The following SAR1A variants were observed in gnomAD, a reference collection of about 807,000 sequenced individuals.
The protein encoded by SAR1A is small COPII coat GTPase SAR1A.
SAR1A carries 6 observed loss-of-function variants against 22.6 expected under a neutral mutation model. The ratio of observed to expected loss-of-function variants is 0.27; its 90% CI spans 0.15 to 0.52. The LOEUF (loss-of-function observed/expected upper bound fraction) is 0.52. SAR1A is among the 20% of genes least tolerant of loss of function. SAR1A has a pLI of 0.96. For missense variants in SAR1A, 145 were observed against 245.1 expected, an observed-to-expected ratio of 0.59 and a Z score of 2.73; for synonymous variants, 70 against 82.2, an observed-to-expected ratio of 0.85 and a Z score of 0.80.
At chr10:70,159,502 T>G (rs1044005310) in intron 4 of SAR1A, among the ~76,000 whole-genome samples, 1 of 152,136 alleles carries the variant, frequency 6.6e-6, no homozygotes, top group African/African-American at 2.4e-5. Flanking sequence ...AAGACCAGCC[T>G]GGGCAACATG....
chr10:70,165,264 CAAAA>C (rs34191043), intron 1 of SAR1A, among the ~76,000 whole-genome samples: 6 of 92,904 alleles, frequency 6.5e-5, no homozygotes, highest in Admixed American at 1.2e-4. Context: ...GACTCCGTCT[CAAAA>C]AAAAAAAAAA....
chr10:70,155,093 G>A (rs1839370261), intron 5 of SAR1A: 1 of 528,074 alleles, frequency 1.9e-6, no homozygotes, highest in Non-Finnish European at 3.9e-6. Context: ...CTCACATTAG[G>A]GGCCAGTGTG....
At chr10:70,167,461 G>A (rs1057472651) in intron 1 of SAR1A, 1 of 152,288 alleles carries the variant, frequency 6.6e-6, no homozygotes. Context: ...TGAACAGCTG[G>A]GCGCGGCAGC....
chr10:70,157,601 G>A, intron 5 of SAR1A, 163 bp downstream of exon 5: 3 of 568,342 alleles, frequency 5.3e-6, no homozygotes, highest in Non-Finnish European at 9.3e-6. Flanking sequence ...GAAAAGCAAT[G>A]TCTTAGATTT....
intron 1 of SAR1A, among the ~76,000 whole-genome samples, chr10:70,167,693 G>A (rs1839571387): frequency 6.6e-6 from 1 of 151,846 alleles, no homozygotes; most frequent in Non-Finnish European, 1.5e-5. Flanking sequence ...GGCCTAATCT[G>A]TAAATTTTAG....
intron 1 of SAR1A, among the ~76,000 whole-genome samples, chr10:70,164,453 C>T (rs1839519378): frequency 6.6e-6 from 1 of 152,160 alleles, no homozygotes; most frequent in Non-Finnish European, 1.5e-5. Flanking sequence ...TAGGAACTGT[C>T]AGCATGGTGT....
chr10:70,161,477 T>C (rs888662438), intron 3 of SAR1A, 142 bp downstream of exon 3: 27 of 862,842 alleles, frequency 3.1e-5, no homozygotes, highest in Non-Finnish European at 4.4e-5. Context: ...ATAACCTGAG[T>C]GTGTCTTACA....
intron 3 of SAR1A, 94 bp from the exon 4 acceptor site, chr10:70,161,163 A>C (rs1839463203): frequency 2.2e-6 from 2 of 922,678 alleles, no homozygotes; most frequent in East Asian, 5.1e-5. Flanking sequence ...TTCATCTTGT[A>C]AAGAAAAAGA....
At chr10:70,158,757 C>CAAATAA (rs1554827243) in intron 4 of SAR1A, among the ~76,000 whole-genome samples, 3 of 125,810 alleles carry the variant, frequency 2.4e-5, no homozygotes, top group African/African-American at 8.8e-5. Flanking sequence ...TTAAGTTATA[C>CAAATAA]AAAAAAAAAA....
rs1264873363 is a variant in SAR1A at position 70,148,913 on chromosome 10, G to A, written c.*3563C>T. 1 of 152,290 alleles carries A rather than the reference G, an allele frequency of 6.6e-6. No individual in the cohort carries two copies. The highest frequency in any genetic ancestry group is 1.5e-5 in the Non-Finnish European group (1 of 68,120). 9.4% of individuals were successfully genotyped at this position (152,290 alleles called of 1,614,324 possible). Reference sequence around the variant, plus strand: ...TTTTCTGTGTTTACAGCAGACCATGGTAAAAAGAAGTCCCAAGTCACAGCC... The same window carrying A: ...TTTTCTGTGTTTACAGCAGACCATGATAAAAAGAAGTCCCAAGTCACAGCC... On this transcript the variant is annotated 3_prime_UTR_variant, in exon 7 of 7. Coordinates refer to ENST00000373241, the MANE Select transcript of SAR1A (RefSeq NM_020150.5).
chr10:70,153,936 G>A lies in SAR1A; in HGVS notation c.382C>T (p.Pro128Ser). The A allele has an allele frequency of 6.3e-7, 1 of 1,599,762 alleles. No homozygotes were observed. Among genetic ancestry groups the A allele is most frequent in the Non-Finnish European group, 8.5e-7 (1 of 1,173,210 alleles). Reference protein sequence around the residue: ...LMTDETISNVPILILGNKIDR... With the variant: ...LMTDETISNVSILILGNKIDR... ...ATTTTGTTACCCAAGATAAGGATTGGCACATTGGATATTGTTTCATCAGTC... is the reference window on the plus strand; with the variant it reads ...ATTTTGTTACCCAAGATAAGGATTGACACATTGGATATTGTTTCATCAGTC... Residue 128 changes from proline (P) to serine (S), a missense_variant, in exon 6 of 7, where the codon CCA becomes TCA. Transcript: ENST00000373241.
chr10:70,165,593 G>A (rs184521909), intron 1 of SAR1A, among the ~76,000 whole-genome samples: 27 of 152,322 alleles, frequency 1.8e-4, no homozygotes, highest in African/African-American at 5.1e-4. Flanking sequence ...GTAATTTCAT[G>A]ATCAAACTAA....
rs1839296191 is a variant in SAR1A at position 70,148,979 on chromosome 10, A to T, written c.*3497T>A. 1 of 147,686 alleles carries T rather than the reference A, an allele frequency of 6.8e-6. No individual in the cohort carries two copies. Among genetic ancestry groups the T allele is most frequent in the Admixed American group, 6.9e-5 (1 of 14,596 alleles). The allele number at this position is 147,686 out of a possible 1,614,324, so 9.1% of individuals were successfully genotyped here. On this transcript the variant is annotated 3_prime_UTR_variant, in exon 7 of 7. Coordinates refer to ENST00000373241, the MANE Select transcript of SAR1A (RefSeq NM_020150.5). ...GATCTGTTGAGTGCTAGGCTCATGG[A>T]CTGAGCCTAATCTTATTTTCCACTC...
intron 1 of SAR1A, among the ~76,000 whole-genome samples, chr10:70,165,353 T>C (rs1839534679): frequency 1.3e-5 from 2 of 151,728 alleles, no homozygotes; most frequent in Non-Finnish European, 1.5e-5. Context: ...CAAAGTAAAC[T>C]GAAAACCTCC....
chr10:70,164,654 C>G (rs1051892778), intron 1 of SAR1A, among the ~76,000 whole-genome samples: 1 of 152,106 alleles, frequency 6.6e-6, no homozygotes, highest in Non-Finnish European at 1.5e-5. Context: ...CTTTGTTTAG[C>G]CACTTAAAGA....
At chr10:70,153,111 A>G (rs1439027752) in intron 6 of SAR1A, among the ~76,000 whole-genome samples, 1 of 152,246 alleles carries the variant, frequency 6.6e-6, no homozygotes, top group Non-Finnish European at 1.5e-5. Flanking sequence ...GGTGAGACTA[A>G]GGAACCATGT....
At chr10:70,167,467 G>C (rs1839568376) in intron 1 of SAR1A, 1 of 152,246 alleles carries the variant, frequency 6.6e-6, no homozygotes, top group African/African-American at 2.4e-5. Context: ...GCTGGGCGCG[G>C]CAGCGCTTGC....
intron 1 of SAR1A, chr10:70,166,612 T>C (rs896235645): frequency 5.3e-5 from 8 of 152,076 alleles, no homozygotes; most frequent in Admixed American, 4.6e-4. Flanking sequence ...AGAGAACCAT[T>C]AAGGGATAAG....
Position 70,157,844 on chromosome 10 carries a change from G to A in SAR1A, c.268C>T (p.Leu90Phe), listed in dbSNP as rs536007985. Residue 90 changes from leucine to phenylalanine, a missense_variant, in exon 5 of 7, where the codon CTC becomes TTC. Leu to Phe is a conservative substitution (Grantham distance 22, BLOSUM62 0). Around this residue, in one of 3 missense-constraint regions of SAR1A, gnomAD observed 40 missense variants for 105.7 expected, o/e 0.38. Coordinates refer to ENST00000373241, the MANE Select transcript of SAR1A (RefSeq NM_020150.5). ...EQARRVWKNY[L>F]PAINGIVFLV... is the part of the protein sequence containing the mutation. ...AAGACAATCCCATTAATTGCTGGGAGATAATTTTTCCAAACGCGACGTGCT... is the reference window on the plus strand; with the variant it reads ...AAGACAATCCCATTAATTGCTGGGAAATAATTTTTCCAAACGCGACGTGCT... 1.2e-6 allele frequency: 2 copies of A among 1,613,206 alleles called. No individual in the cohort carries two copies. Among genetic ancestry groups the A allele is most frequent in the South Asian group, 1.1e-5 (1 of 90,798 alleles).
Sources: gnomAD v4.1 joint callset for allele counts (sites outside exome capture counted in the v4.1 genomes callset) on GRCh38, gnomAD v4.1.1 for gene constraint, gnomAD v4.1.1 regional missense constraint, MANE v1.5 for transcripts, NCBI Gene and HGNC (gene_info 2026-07-23, HGNC 2026-07-21) for gene names.